The following SIPA1L2 variants were observed in gnomAD, a reference collection of about 807,000 sequenced individuals.
SIPA1L2 encodes the protein signal-induced proliferation-associated 1-like protein 2.
A neutral mutation model predicts 163.9 loss-of-function variants in SIPA1L2; 56 were observed. That is an observed-to-expected ratio of 0.34 (90% confidence interval 0.28 to 0.43). The LOEUF is 0.43. Ranked by LOEUF, SIPA1L2 falls within the 20% of genes least tolerant of loss-of-function variation. The pLI is 1.00. For synonymous variants in SIPA1L2, 877 were observed against 865.7 expected (o/e 1.01, Z -0.23); for missense variants, 1,974 against 2,193.5 (o/e 0.90, Z 2.00).
At chr1:232,558,031 A>T (rs1304202052) in intron 2 of SIPA1L2, among the ~76,000 whole-genome samples, 1 of 152,246 alleles carries the variant, frequency 6.6e-6, no homozygotes, top group East Asian at 1.9e-4. Flanking sequence ...TGCTGGAAAA[A>T]GTGACAAGTC....
At chr1:232,594,884 C>A (rs2102837214) in intron 1 of SIPA1L2, among the ~76,000 whole-genome samples, 2 of 152,268 alleles carry the variant, frequency 1.3e-5, no homozygotes, top group Middle Eastern at 6.8e-3. Context: ...TACACTGTAC[C>A]ATCACCTGAA....
intron 15 of SIPA1L2, among the ~76,000 whole-genome samples, chr1:232,437,843 G>T (rs35542517): frequency 2.6e-4 from 40 of 152,320 alleles, no homozygotes; most frequent in Non-Finnish European, 4.6e-4. Flanking sequence ...GAGCGTGACT[G>T]TGGGAGGTCT....
At position 232,514,801 on chromosome 1, in the gene SIPA1L2, A is replaced by C; in HGVS notation, c.539T>G (p.Val180Gly). ...CAGGGCAGCCCCGGTGTTGGGGTTG[A>C]CTGCATTTTGGTCTAAGACATCTTC... ...DAEDVLDQNAVNPNTGAALHR... is the reference protein window; with the variant it reads ...DAEDVLDQNAGNPNTGAALHR... The change falls in exon 3 of 23, where the codon GTC (valine) becomes GGC (glycine). Residue 180 changes from valine to glycine, a missense_variant. Coordinates refer to ENST00000674635, the MANE Select transcript of SIPA1L2 (RefSeq NM_020808.5). 6.2e-7 allele frequency: 1 copy of C among 1,614,146 alleles called. No individual in the cohort carries two copies. Among genetic ancestry groups the C allele is most frequent in the Non-Finnish European group, 8.5e-7 (1 of 1,180,020 alleles).
At chr1:232,560,971 A>G (rs553764543) in intron 2 of SIPA1L2, among the ~76,000 whole-genome samples, 1 of 152,352 alleles carries the variant, frequency 6.6e-6, no homozygotes, top group African/African-American at 2.4e-5. Flanking sequence ...TTTTCAAAGC[A>G]TTAAACTTTC....
chr1:232,446,059 A>C (rs1663200076), intron 10 of SIPA1L2, among the ~76,000 whole-genome samples: 1 of 152,140 alleles, frequency 6.6e-6, no homozygotes, highest in South Asian at 2.1e-4. Flanking sequence ...GCAGCCACAC[A>C]CATCATCTAT....
At chr1:232,424,875 T>C (rs1013348422) in intron 18 of SIPA1L2, among the ~76,000 whole-genome samples, 2 of 152,216 alleles carry the variant, frequency 1.3e-5, no homozygotes, top group African/African-American at 2.4e-5. Context: ...ATTCCCATTT[T>C]TTCTGTACAA....
chr1:232,483,495 A>G (rs1484915029), intron 6 of SIPA1L2, among the ~76,000 whole-genome samples: 1 of 152,186 alleles, frequency 6.6e-6, no homozygotes, highest in Non-Finnish European at 1.5e-5. Flanking sequence ...AGAAGAGGTT[A>G]GGGTAAAAGA....
chr1:232,458,097 A>T (rs539229105), intron 10 of SIPA1L2, among the ~76,000 whole-genome samples: 6 of 152,316 alleles, frequency 3.9e-5, no homozygotes, highest in Non-Finnish European at 5.9e-5. Context: ...GAACGTTGCT[A>T]CTAGGCAAAT....
At chr1:232,436,233 AC>A (rs1662553360) in intron 15 of SIPA1L2, among the ~76,000 whole-genome samples, 1 of 152,210 alleles carries the variant, frequency 6.6e-6, no homozygotes, top group Non-Finnish European at 1.5e-5. Context: ...ACAGAAGCGT[AC>A]TAAGTGTTGT....
At chr1:232,617,844 A>C (rs974623379) in intron 1 of SIPA1L2, among the ~76,000 whole-genome samples, 7 of 152,224 alleles carry the variant, frequency 4.6e-5, no homozygotes, top group Non-Finnish European at 1.0e-4. Context: ...TATACCTTTT[A>C]CTTCAAAAAA....
intron 2 of SIPA1L2, among the ~76,000 whole-genome samples, chr1:232,516,932 A>G (rs2103050911): frequency 6.6e-6 from 1 of 152,322 alleles, no homozygotes; most frequent in South Asian, 2.1e-4. Flanking sequence ...TTTGGAAAAT[A>G]TGTAACACCT....
At chr1:232,432,829 G>C (rs1427355677) in intron 15 of SIPA1L2, among the ~76,000 whole-genome samples, 1 of 152,188 alleles carries the variant, frequency 6.6e-6, no homozygotes, top group Non-Finnish European at 1.5e-5. Context: ...TGTCTCCAGG[G>C]AAATGCCAAT....
chr1:232,401,588 G>A (rs967584595), intron 22 of SIPA1L2, among the ~76,000 whole-genome samples: 2 of 152,126 alleles, frequency 1.3e-5, no homozygotes, highest in African/African-American at 4.8e-5. Flanking sequence ...ACACACATGT[G>A]CACACATACT....
intron 2 of SIPA1L2, among the ~76,000 whole-genome samples, chr1:232,528,722 G>A (rs1667836875): frequency 6.6e-6 from 1 of 152,156 alleles, no homozygotes; most frequent in Non-Finnish European, 1.5e-5. Context: ...TTTGGCTCCT[G>A]CTAGTTACCC....
At chr1:232,406,813 A>G (rs6687851) in intron 19 of SIPA1L2, among the ~76,000 whole-genome samples, 90,964 of 152,142 alleles carry the variant, frequency 0.6, 27,771 homozygotes, top group East Asian at 0.81. Context: ...TGCCAGATGG[A>G]ACATCCAAGT....
At chr1:232,451,183 C>T (rs746923696) in intron 10 of SIPA1L2, among the ~76,000 whole-genome samples, 110 of 152,266 alleles carry the variant, frequency 7.2e-4, no homozygotes, top group Middle Eastern at 3.4e-3. Flanking sequence ...AACTCAGTTC[C>T]GTTCCATATA....
chr1:232,566,623 T>A (rs549088433), intron 2 of SIPA1L2, among the ~76,000 whole-genome samples: 1 of 152,370 alleles, frequency 6.6e-6, no homozygotes, highest in South Asian at 2.1e-4. Flanking sequence ...TTTGTAGGGA[T>A]AATCCTTAAT....
At position 232,514,531 on chromosome 1, in the gene SIPA1L2, A is replaced by G. The variant is rs1377371394; in HGVS notation, c.809T>C (p.Met270Thr). ...GAAAGGCTTGTCCCTGTCTCTCCCC[A>G]TCAGGAGGGCACTGTCCACATAATC... ...GLDYVDSALL[M>T]GRDRDKPFKR... The change falls in exon 3 of 23, where the codon ATG becomes ACG. Residue 270 changes from methionine (M) to threonine (T), a missense_variant. Around this residue, in one of 3 missense-constraint regions of SIPA1L2, gnomAD observed 607 missense variants for 624.0 expected, o/e 0.97. Transcript: ENST00000674635. 6 of 1,614,042 alleles carry G rather than the reference A, an allele frequency of 3.7e-6. No homozygotes were observed. The African/African-American group carries it at 5.3e-5, about 14-fold the overall frequency.
intron 2 of SIPA1L2, among the ~76,000 whole-genome samples, chr1:232,542,209 T>A (rs1657727730): frequency 6.6e-6 from 1 of 152,226 alleles, no homozygotes; most frequent in African/African-American, 2.4e-5. Context: ...TGAAAAATGA[T>A]CATTTTAAAT....
Sources: gnomAD v4.1 joint callset for allele counts (sites outside exome capture counted in the v4.1 genomes callset) on GRCh38, gnomAD v4.1.1 for gene constraint, gnomAD v4.1.1 regional missense constraint, MANE v1.5 for transcripts, NCBI Gene and HGNC (gene_info 2026-07-23, HGNC 2026-07-21) for gene names.